DLGAP2: variants seen among roughly 807,000 people sequenced by gnomAD.
The protein encoded by DLGAP2 is DLG associated protein 2, also known as disks large-associated protein 2.
In DLGAP2, 26 loss-of-function variants were observed where a neutral mutation model predicts 100.3. The ratio of observed to expected loss-of-function variants is 0.26; its 90% CI spans 0.19 to 0.36. DLGAP2 has a LOEUF of 0.36. Ranked by LOEUF, DLGAP2 falls within the 10% of genes least tolerant of loss-of-function variation. The pLI is 1.00. For missense variants in DLGAP2, 1,858 were observed against 1,453.2 expected, an observed-to-expected ratio of 1.28 and a Z score of -4.53; for synonymous variants, 886 against 630.1, an observed-to-expected ratio of 1.41 and a Z score of -6.08.
chr8:1,247,334 C>T (rs200486802), intron 2 of DLGAP2, among the ~76,000 whole-genome samples: 490 of 21,170 alleles, frequency 0.023, 6 homozygotes, highest in Middle Eastern at 0.21. Flanking sequence ...TGGTCCACAT[C>T]GGTGGCCAGC....
intron 1 of DLGAP2, among the ~76,000 whole-genome samples, chr8:813,955 A>C (rs1796417600): frequency 6.6e-6 from 1 of 152,320 alleles, no homozygotes; most frequent in Admixed American, 6.5e-5. Flanking sequence ...AGTACAGGAC[A>C]TCTAAAGGGA....
At chr8:1,606,418 C>G (rs1039554547) in intron 6 of DLGAP2, among the ~76,000 whole-genome samples, 2 of 152,132 alleles carry the variant, frequency 1.3e-5, no homozygotes. Context: ...CTTCCCCTAA[C>G]TCCTCCAACC....
chr8:936,090 C>G (rs1260991327), intron 2 of DLGAP2, among the ~76,000 whole-genome samples: 1 of 152,054 alleles, frequency 6.6e-6, no homozygotes, highest in Non-Finnish European at 1.5e-5. Context: ...GGTTGAGCTG[C>G]CGGTGTGTTC....
At chr8:803,067 C>A (rs1037534099) in intron 1 of DLGAP2, among the ~76,000 whole-genome samples, 3 of 152,218 alleles carry the variant, frequency 2.0e-5, no homozygotes, top group African/African-American at 7.2e-5. Context: ...TAACAGCTGC[C>A]ATGACGGGCT....
chr8:1,408,278 T>C (rs740239), intron 3 of DLGAP2, among the ~76,000 whole-genome samples: 39,871 of 152,184 alleles, frequency 0.26, 5,351 homozygotes, highest in East Asian at 0.39. Flanking sequence ...GTTTCCCCTC[T>C]TGCTGATGAT....
At chr8:942,437 C>G (rs146236271) in intron 2 of DLGAP2, among the ~76,000 whole-genome samples, 87 of 152,366 alleles carry the variant, frequency 5.7e-4, no homozygotes, top group African/African-American at 2.0e-3. Context: ...GAGTCCCCAC[C>G]TGGGATGTAC....
intron 2 of DLGAP2, among the ~76,000 whole-genome samples, chr8:1,130,028 G>A (rs1279106102): frequency 6.6e-6 from 1 of 152,126 alleles, no homozygotes; most frequent in Non-Finnish European, 1.5e-5. Flanking sequence ...AGCTCACGTC[G>A]GGCACTTCAC....
At chr8:1,391,510 C>A (rs951649309) in intron 3 of DLGAP2, among the ~76,000 whole-genome samples, 6 of 152,104 alleles carry the variant, frequency 3.9e-5, no homozygotes, top group Non-Finnish European at 8.8e-5. Flanking sequence ...GGGGTTTTGG[C>A]CCCACGTAAT....
intron 3 of DLGAP2, among the ~76,000 whole-genome samples, chr8:1,476,910 G>A (rs985984807): frequency 4.0e-5 from 6 of 150,014 alleles, no homozygotes; most frequent in East Asian, 2.0e-4. Context: ...AGACCCACCC[G>A]TGATGGCTGA....
At chr8:972,941 G>A (rs1435692855) in intron 2 of DLGAP2, among the ~76,000 whole-genome samples, 1 of 152,214 alleles carries the variant, frequency 6.6e-6, no homozygotes, top group African/African-American at 2.4e-5. Flanking sequence ...TGGGGGTAAG[G>A]TCATAGATAA....
chr8:1,430,262 C>T (rs1415477418), intron 3 of DLGAP2, among the ~76,000 whole-genome samples: 1 of 151,644 alleles, frequency 6.6e-6, no homozygotes, highest in African/African-American at 2.4e-5. Context: ...TCTACATAAG[C>T]ATTCGAAATC....
intron 3 of DLGAP2, among the ~76,000 whole-genome samples, chr8:1,282,354 G>A (rs1361647126): frequency 2.1e-5 from 3 of 140,144 alleles, no homozygotes; most frequent in Admixed American, 1.5e-4. Context: ...GAACCATCTG[G>A]ACGTGGTGTG....
chr8:835,955 C>T (rs1238233435), intron 1 of DLGAP2, among the ~76,000 whole-genome samples: 3 of 152,152 alleles, frequency 2.0e-5, no homozygotes, highest in Admixed American at 2.0e-4. Context: ...GACCTTTTCT[C>T]ACAGGTTTGG....
intron 2 of DLGAP2, among the ~76,000 whole-genome samples, chr8:1,059,956 G>A (rs191463935): frequency 1.3e-5 from 2 of 152,284 alleles, no homozygotes; most frequent in Non-Finnish European, 2.9e-5. Context: ...AGTATGAGTG[G>A]GCTCCAGAGG....
chr8:1,285,847 C>G (rs1033494520), intron 3 of DLGAP2, among the ~76,000 whole-genome samples: 2 of 152,224 alleles, frequency 1.3e-5, no homozygotes, highest in Non-Finnish European at 1.5e-5. Flanking sequence ...CACACACCTG[C>G]AACCCCACCA....
intron 1 of DLGAP2, among the ~76,000 whole-genome samples, chr8:887,703 C>A (rs1294624748): frequency 6.6e-6 from 1 of 152,196 alleles, no homozygotes; most frequent in Non-Finnish European, 1.5e-5. Flanking sequence ...TATTGACTCC[C>A]AGTCTCTTCT....
intron 3 of DLGAP2, among the ~76,000 whole-genome samples, chr8:1,418,176 G>A (rs1028087126): frequency 6.6e-6 from 1 of 152,200 alleles, no homozygotes. Flanking sequence ...CATTTTCAAA[G>A]ACCTTGATCT....
chr8:1,112,536 G>A (rs762256835), intron 2 of DLGAP2, among the ~76,000 whole-genome samples: 8 of 151,980 alleles, frequency 5.3e-5, no homozygotes, highest in East Asian at 3.9e-4. Flanking sequence ...CACCGCGCCC[G>A]GGCGTCCTTT....
At chr8:1,422,372 C>G in intron 3 of DLGAP2, among the ~76,000 whole-genome samples, 1 of 152,138 alleles carries the variant, frequency 6.6e-6, no homozygotes, top group East Asian at 1.9e-4. Context: ...AGCGAAGTTA[C>G]ACAACTCAAG....
Sources: gnomAD v4.1 joint callset for allele counts (sites outside exome capture counted in the v4.1 genomes callset) on GRCh38, gnomAD v4.1.1 for gene constraint, MANE v1.5 for transcripts, NCBI Gene and HGNC (gene_info 2026-07-23, HGNC 2026-07-21) for gene names.